DSCAM: variants seen among roughly 807,000 people sequenced by gnomAD.
DSCAM encodes the protein cell adhesion molecule DSCAM.
DSCAM carries 47 observed loss-of-function variants against 217.7 expected under a neutral mutation model. That is an observed-to-expected ratio of 0.22 (90% CI 0.17 to 0.28). The LOEUF is 0.28. DSCAM is among the 10% of genes least tolerant of loss of function. The pLI, the probability that DSCAM is intolerant of heterozygous loss-of-function variation, is 1.00. For synonymous variants in DSCAM, 1,056 were observed against 1,015.3 expected (o/e 1.04, Z -0.76); for missense variants, 2,080 against 2,618.3 (o/e 0.79, Z 4.49).
At chr21:40,456,268 T>C (rs936557954) in intron 3 of DSCAM, among the ~76,000 whole-genome samples, 4 of 151,966 alleles carry the variant, frequency 2.6e-5, no homozygotes, top group Non-Finnish European at 5.9e-5. Context: ...AATTGGACTT[T>C]TGTAGATAAA....
intron 11 of DSCAM, among the ~76,000 whole-genome samples, chr21:40,226,745 T>A (rs995422750): frequency 4.6e-5 from 7 of 152,198 alleles, no homozygotes; most frequent in Non-Finnish European, 7.3e-5. Context: ...TTATTTAACA[T>A]TTTTTAAAAT....
rs563181746 is a variant in DSCAM at position 40,030,566 on chromosome 21, G to A, written c.5686+11805C>T. Among the ~76,000 whole-genome samples the A allele has an allele frequency of 3.3e-5, 5 of 152,238 alleles. No homozygotes were observed. The East Asian group carries it at 9.7e-4, about 29-fold the overall frequency. ...GAATGAGCTTGGCGTTCACAACAGG[G>A]ATCAAGAGTTCCCTCTGAACTACGA... On this transcript the variant is annotated intron_variant, in intron 32 of 32. Coordinates refer to ENST00000400454, the MANE Select transcript of DSCAM (RefSeq NM_001389.5).
At position 40,101,445 on chromosome 21, in the gene DSCAM, C is replaced by T. The variant is rs183042288; in HGVS notation, c.3697-7571G>A. The stretch of plus-strand genomic sequence containing the variant: ...CCTTTTTGGCATCAGGGACAGATTT[C>T]GTGGAAGACAGTTTTTTTTTTCACA... On this transcript the variant is annotated intron_variant, in intron 20 of 32. Coordinates refer to ENST00000400454, the MANE Select transcript of DSCAM (RefSeq NM_001389.5). 9.7e-4 allele frequency among the ~76,000 whole-genome samples: 130 copies of T among 133,918 alleles called. No individual in the cohort carries two copies. The Middle Eastern group carries it at 0.011, about 11-fold the overall frequency. 87.9% of individuals were successfully genotyped at this position (133,918 alleles called of 152,430 possible).
chr21:40,215,356 C>T (rs1439376421), intron 11 of DSCAM, among the ~76,000 whole-genome samples: 3 of 103,314 alleles, frequency 2.9e-5, no homozygotes, highest in East Asian at 6.1e-4. Context: ...AAAACCTGTA[C>T]GTGTACCCTC....
intron 1 of DSCAM, among the ~76,000 whole-genome samples, chr21:40,716,543 C>T (rs1031461030): frequency 6.6e-6 from 1 of 152,206 alleles, no homozygotes; most frequent in Non-Finnish European, 1.5e-5. Flanking sequence ...ATTGTTTCTT[C>T]AGTTGCAGAC....
intron 3 of DSCAM, among the ~76,000 whole-genome samples, chr21:40,581,339 T>C (rs1341416853): frequency 3.3e-5 from 5 of 152,120 alleles, no homozygotes; most frequent in Non-Finnish European, 7.4e-5. Flanking sequence ...GAGCCAGAAG[T>C]GTTCACCTAG....
intron 3 of DSCAM, among the ~76,000 whole-genome samples, chr21:40,370,255 T>TAA (rs77285211): frequency 7.0e-5 from 10 of 142,782 alleles, no homozygotes; most frequent in East Asian, 2.0e-4. Context: ...TCTTTTACTT[T>TAA]AAAAAAAAAA....
At chr21:40,792,625 G>C (rs1259218114) in intron 1 of DSCAM, among the ~76,000 whole-genome samples, 1 of 152,304 alleles carries the variant, frequency 6.6e-6, no homozygotes, top group South Asian at 2.1e-4. Context: ...AATGAGGAAA[G>C]ACAGAATTCT....
intron 3 of DSCAM, among the ~76,000 whole-genome samples, chr21:40,427,031 A>G (rs1434068727): frequency 6.6e-6 from 1 of 152,202 alleles, no homozygotes; most frequent in Non-Finnish European, 1.5e-5. Flanking sequence ...CAGCCGTCTG[A>G]GATACCAGAA....
chr21:40,402,550 T>G (rs1380444035), intron 3 of DSCAM, among the ~76,000 whole-genome samples: 1 of 152,080 alleles, frequency 6.6e-6, no homozygotes, highest in Non-Finnish European at 1.5e-5. Context: ...GGGAGTAAAC[T>G]ATCTATATAT....
At chr21:40,802,742 G>T (rs2091753296) in intron 1 of DSCAM, among the ~76,000 whole-genome samples, 1 of 152,202 alleles carries the variant, frequency 6.6e-6, no homozygotes, top group South Asian at 2.1e-4. Context: ...GCTGCCTCAG[G>T]ACTCTGCAAA....
intron 20 of DSCAM, among the ~76,000 whole-genome samples, chr21:40,098,193 C>T (rs2089707524): frequency 6.6e-6 from 1 of 152,050 alleles, no homozygotes; most frequent in East Asian, 1.9e-4. Context: ...ATAATGGGGT[C>T]AGTTCATCAA....
At chr21:40,422,106 C>T (rs2123821412) in intron 3 of DSCAM, among the ~76,000 whole-genome samples, 1 of 152,338 alleles carries the variant, frequency 6.6e-6, no homozygotes, top group South Asian at 2.1e-4. Context: ...ATGCCCATGG[C>T]AGACATTGCT....
chr21:40,332,104 C>T (rs2074383507), intron 8 of DSCAM, among the ~76,000 whole-genome samples: 1 of 152,196 alleles, frequency 6.6e-6, no homozygotes, highest in Non-Finnish European at 1.5e-5. Flanking sequence ...TTCACCAAAT[C>T]CATTCTCTCC....
intron 17 of DSCAM, among the ~76,000 whole-genome samples, chr21:40,143,413 T>G (rs965858863): frequency 6.6e-6 from 1 of 152,182 alleles, no homozygotes; most frequent in African/African-American, 2.4e-5. Flanking sequence ...ACAATTCCAG[T>G]GTTCAGGCTG....
intron 3 of DSCAM, among the ~76,000 whole-genome samples, chr21:40,372,722 G>C (rs553613628): frequency 2.2e-4 from 33 of 152,240 alleles, no homozygotes; most frequent in Admixed American, 1.2e-3. Context: ...CAGTATCTTT[G>C]TCAACACACA....
intron 10 of DSCAM, among the ~76,000 whole-genome samples, chr21:40,280,034 T>G (rs1455151914): frequency 6.6e-6 from 1 of 151,852 alleles, no homozygotes; most frequent in Non-Finnish European, 1.5e-5. Flanking sequence ...ACCTACATGA[T>G]AGGTTGATGG....
chr21:40,501,967 C>G (rs2076173523), intron 3 of DSCAM, among the ~76,000 whole-genome samples: 1 of 152,128 alleles, frequency 6.6e-6, no homozygotes, highest in African/African-American at 2.4e-5. Context: ...TCTTGAAGAA[C>G]TTAGAAGGTT....
At chr21:40,039,041 T>G in intron 32 of DSCAM, among the ~76,000 whole-genome samples, 1 of 137,312 alleles carries the variant, frequency 7.3e-6, no homozygotes, top group African/African-American at 2.6e-5. Flanking sequence ...GGGGGAGGGA[T>G]AGCACTGGGA....
Sources: allele counts gnomAD v4.1 joint callset (sites outside exome capture counted in the v4.1 genomes callset), GRCh38; gene constraint gnomAD v4.1.1; transcripts MANE v1.5; gene names NCBI Gene and HGNC (gene_info 2026-07-23, HGNC 2026-07-21).